Variants in PAX9 observed in about 807,000 individuals in gnomAD.
PAX9 encodes paired box 9, also known as paired box protein Pax-9.
Under a neutral mutation model 29.1 loss-of-function variants are expected in PAX9, and 6 were observed. The ratio of observed to expected loss-of-function variants is 0.21; its 90% CI spans 0.11 to 0.41. The LOEUF is 0.41. Among genes scored for constraint, PAX9 ranks in the 10% least tolerant of loss-of-function variants. The pLI, the probability that PAX9 is intolerant of heterozygous loss-of-function variation, is 1.00. For missense variants in PAX9, 443 were observed against 479.1 expected (o/e 0.92, Z 0.70); for synonymous variants, 217 against 211.7 (o/e 1.03, Z -0.22).
In PAX9 at chr14:36,662,704, G is replaced by A. The variant is rs555005831; in HGVS notation, c.5-193G>A. On this transcript the variant is annotated intron_variant, in intron 1 of 3. Coordinates refer to ENST00000361487, the MANE Select transcript of PAX9 (RefSeq NM_001372076.1). ...TCCGGCACGGCAGGAATGAGGGAGG[G>A]GGTCCGATTGGACAGTGACGGTTTG... is the stretch of plus-strand genomic sequence containing the variant. The A allele has an allele frequency of 5.9e-4, 386 of 652,922 alleles. 3 individuals are homozygous for A. Among genetic ancestry groups the A allele is most frequent in the Admixed American group, 3.3e-4 (11 of 33,366 alleles). The allele number at this position is 652,922 out of a possible 1,614,324, so 40.4% of individuals were successfully genotyped here.
At position 36,678,884 on chromosome 14, in the gene PAX9, T is replaced by A. The variant is rs1882044287; in HGVS notation, c.*2432T>A. On this transcript the variant is annotated 3_prime_UTR_variant, in exon 4 of 4. Coordinates refer to ENST00000361487, the MANE Select transcript of PAX9 (RefSeq NM_001372076.1). The stretch of plus-strand genomic sequence containing the variant: ...GATACAATTTGCTATTCAAAGAAAA[T>A]TATGATTTAAAGCCACTTTTTAAAA... 1 of 974,818 alleles carries A rather than the reference T, an allele frequency of 1.0e-6. No homozygotes were observed. Among genetic ancestry groups the A allele is most frequent in the Non-Finnish European group, 1.2e-6 (1 of 819,222 alleles). 60.4% of individuals were successfully genotyped at this position (974,818 alleles called of 1,614,324 possible).
In PAX9 at chr14:36,675,792, G is replaced by A. The variant is rs536489686; in HGVS notation, c.772-406G>A. Reference sequence around the variant, plus strand: ...TATACCAACCAGGCCTGTCACAAGTGCCTCAACAAAAGAGCCAAACAAAAC... The same window carrying A: ...TATACCAACCAGGCCTGTCACAAGTACCTCAACAAAAGAGCCAAACAAAAC... On this transcript the variant is annotated intron_variant, in intron 3 of 3. Transcript: ENST00000361487. 5.3e-5 allele frequency among the ~76,000 whole-genome samples: 8 copies of A among 152,256 alleles called. 1 individual carries two copies. In the East Asian group the frequency reaches 1.4e-3, roughly 26 times the overall value.
intron 2 of PAX9, among the ~76,000 whole-genome samples, chr14:36,664,006 TGAA>T (rs1432078726): frequency 1.3e-5 from 2 of 152,234 alleles, no homozygotes; most frequent in East Asian, 3.9e-4. Context: ...CCTTGGAAAT[TGAA>T]GTATTCTCCG....
rs1881348046 is a variant in PAX9 at position 36,663,162 on chromosome 14, C to T, written c.270C>T (p.Tyr90=). 2 of 1,613,956 alleles carry T rather than the reference C, an allele frequency of 1.2e-6. No homozygotes were observed. Among genetic ancestry groups the T allele is most frequent in the African/African-American group, 2.7e-5 (2 of 74,916 alleles). The change falls in exon 2 of 4, where the codon TAC becomes TAT. Residue 90 remains tyrosine (Y), a synonymous_variant. Transcript: ENST00000361487. The part of the protein sequence containing the change: ...TPTVVKHIRT[Y]KQRDPGIFAW... ...CCGTGGTGAAACACATCCGGACCTACAAGCAGAGAGACCCCGGCATCTTCG... is the reference window on the plus strand; with the variant it reads ...CCGTGGTGAAACACATCCGGACCTATAAGCAGAGAGACCCCGGCATCTTCG...
At position 36,661,914 on chromosome 14, in the gene PAX9, C is replaced by T. The variant is rs1051170307; in HGVS notation, c.-176C>T. On this transcript the variant is annotated 5_prime_UTR_variant, in exon 1 of 4. Coordinates refer to ENST00000361487, the MANE Select transcript of PAX9 (RefSeq NM_001372076.1). ...AATGCAGAACTCAAGCCTCTTTCAT[C>T]GGGGCACAGACTTCCTTTTACTTCT... 1.3e-6 allele frequency: 1 copy of T among 750,874 alleles called. No individual in the cohort carries two copies. Among genetic ancestry groups the T allele is most frequent in the Non-Finnish European group, 2.3e-6 (1 of 433,922 alleles). The allele number at this position is 750,874 out of a possible 1,614,324, so 46.5% of individuals were successfully genotyped here.
At chr14:36,658,600 G>A (rs1444986278), upstream of PAX9, 2 of 152,292 alleles carry the variant, frequency 1.3e-5, no homozygotes, top group Non-Finnish European at 2.9e-5. Context: ...GATACAGGGA[G>A]GGGTCCTCGC....
chr14:36,676,715 A>G lies in PAX9; in HGVS notation c.*263A>G, dbSNP rs563894653. ...TGAATGAGACATTTGTGTTGCCCACATACTGTCTTAACATAACAAAGAAAC... is the reference window on the plus strand; with the variant it reads ...TGAATGAGACATTTGTGTTGCCCACGTACTGTCTTAACATAACAAAGAAAC... On this transcript the variant is annotated 3_prime_UTR_variant, in exon 4 of 4. Transcript: ENST00000361487. 4.6e-4 allele frequency: 235 copies of G among 512,980 alleles called. 2 individuals are homozygous for G. The East Asian group carries it at 8.0e-3, about 18-fold the overall frequency. 31.8% of individuals were successfully genotyped at this position (512,980 alleles called of 1,614,324 possible).
intron 3 of PAX9, among the ~76,000 whole-genome samples, chr14:36,674,157 G>A (rs369854572): frequency 6.6e-6 from 1 of 152,320 alleles, no homozygotes; most frequent in East Asian, 1.9e-4. Context: ...GAGCCTTAAA[G>A]TGTGTCTCCT....
Position 36,679,338 on chromosome 14 carries a change from C to CTAAA in PAX9, c.*2888_*2891dup. The CTAAA allele has an allele frequency of 1.0e-6, 1 of 969,876 alleles. No homozygotes were observed. The highest frequency in any genetic ancestry group is 1.2e-6 in the Non-Finnish European group (1 of 815,940). The allele number at this position is 969,876 out of a possible 1,614,324, so 60.1% of individuals were successfully genotyped here. On this transcript the variant is annotated 3_prime_UTR_variant, in exon 4 of 4. Coordinates refer to ENST00000361487, the MANE Select transcript of PAX9 (RefSeq NM_001372076.1). Reference sequence around the variant, plus strand: ...CTTTTATTTTTATACTTCAAATGCTCTAAATTAATAAAAAGTAATAATTAC... The same window carrying CTAAA: ...CTTTTATTTTTATACTTCAAATGCTCTAAATAAATTAATAAAAAGTAATAATTAC...
rs1387170151 is a variant in PAX9, at chr14:36,676,419, A to G, written c.993A>G (p.Glu331=). The G allele has an allele frequency of 3.1e-6, 5 of 1,613,940 alleles. No homozygotes were observed. In the East Asian group the frequency reaches 1.1e-4, roughly 36 times the overall value. The change falls in exon 4 of 4, where the codon GAA becomes GAG. Residue 331 remains glutamate (E), a synonymous_variant. Transcript: ENST00000361487. ...TCAAGGGAATGCAGGCAGCCAGAGA[A>G]GGTAGTCATTCTGTCACGGCTTCCG... ...LAFKGMQAAR[E]GSHSVTASAL
Position 36,663,143 on chromosome 14 carries a change from T to C in PAX9, c.251T>C (p.Val84Ala). The C allele has an allele frequency of 6.2e-7, 1 of 1,613,898 alleles. No homozygotes were observed. ...SKPRVTTPTV[V>A]KHIRTYKQRD... Reference sequence around the variant, plus strand: ...CCCCGGGTCACTACCCCCACCGTGGTGAAACACATCCGGACCTACAAGCAG... The same window carrying C: ...CCCCGGGTCACTACCCCCACCGTGGCGAAACACATCCGGACCTACAAGCAG... Residue 84 changes from valine to alanine, a missense_variant, in exon 2 of 4, where the codon GTG becomes GCG. Physicochemically the swap from Val to Ala is moderately conservative, Grantham distance 64. This residue lies in a region of PAX9 where 107 missense variants were observed against 161.9 expected (regional missense o/e 0.66). Coordinates refer to ENST00000361487, the MANE Select transcript of PAX9 (RefSeq NM_001372076.1).
In PAX9 at chr14:36,678,381, T is replaced by C. The variant is rs756591590; in HGVS notation, c.*1929T>C. 24 of 1,021,254 alleles carry C rather than the reference T, an allele frequency of 2.4e-5. No individual in the cohort carries two copies. Among genetic ancestry groups the C allele is most frequent in the Non-Finnish European group, 3.1e-5 (21 of 680,372 alleles). 63.3% of individuals were successfully genotyped at this position (1,021,254 alleles called of 1,614,324 possible). ...GAAATTCAGTGCTACAAATAGAGGA[T>C]TATAACTTCAGGAGAAGAATAAGCA... On this transcript the variant is annotated 3_prime_UTR_variant, in exon 4 of 4. Coordinates refer to ENST00000361487, the MANE Select transcript of PAX9 (RefSeq NM_001372076.1).
intron 3 of PAX9, among the ~76,000 whole-genome samples, chr14:36,673,786 G>T (rs1881783554): frequency 6.6e-6 from 1 of 152,132 alleles, no homozygotes; most frequent in Non-Finnish European, 1.5e-5. Context: ...CTAGAACATT[G>T]TTTCTGCCAT....
chr14:36,674,137 C>T lies in PAX9; in HGVS notation c.772-2061C>T, dbSNP rs551533087. The stretch of plus-strand genomic sequence containing the variant: ...TTTGATAGTTCTCTATCTTGATACC[C>T]ATCTCCTGAGAGCCTTAAAGTGTGT... On this transcript the variant is annotated intron_variant, in intron 3 of 3. Coordinates refer to ENST00000361487, the MANE Select transcript of PAX9 (RefSeq NM_001372076.1). Among the ~76,000 whole-genome samples the T allele has an allele frequency of 1.2e-3, 184 of 152,270 alleles. 1 individual carries two copies. Among genetic ancestry groups the T allele is most frequent in the African/African-American group, 4.2e-3 (176 of 41,562 alleles).
At chr14:36,666,654 C>T (rs1881505971) in intron 3 of PAX9, 53 bp downstream of exon 3, 4 of 1,547,082 alleles carry the variant, frequency 2.6e-6, no homozygotes, top group South Asian at 1.2e-5. Context: ...GGGATTTAGG[C>T]GATGGAACAC....
At position 36,679,021 on chromosome 14, in the gene PAX9, G is replaced by T; in HGVS notation, c.*2569G>T. The stretch of plus-strand genomic sequence containing the variant: ...ATGGTAAAAGTGTTGCTTTTAAACT[G>T]GCAAATGCACTCTTCAGAAATCCTT... On this transcript the variant is annotated 3_prime_UTR_variant, in exon 4 of 4. Coordinates refer to ENST00000361487, the MANE Select transcript of PAX9 (RefSeq NM_001372076.1). 3 of 957,492 alleles carry T rather than the reference G, an allele frequency of 3.1e-6. No homozygotes were observed. The highest frequency in any genetic ancestry group is 3.7e-6 in the Non-Finnish European group (3 of 807,356). 59.3% of individuals were successfully genotyped at this position (957,492 alleles called of 1,614,324 possible).
intron 2 of PAX9, chr14:36,666,075 C>T: frequency 9.6e-6 from 2 of 208,702 alleles, no homozygotes; most frequent in Non-Finnish European, 1.9e-5. Flanking sequence ...CCCCAGTCGG[C>T]CTTGGGTTAA....
chr14:36,666,525 A>T lies in PAX9; in HGVS notation c.695A>T (p.Asn232Ile). 1 of 1,600,624 alleles carries T rather than the reference A, an allele frequency of 6.2e-7. No homozygotes were observed. The highest frequency in any genetic ancestry group is 1.1e-5 in the South Asian group (1 of 88,616). The change falls in exon 3 of 4, where the codon AAC becomes ATC. Residue 232 changes from asparagine (N) to isoleucine (I), a missense_variant. Physicochemically the swap from Asn to Ile is moderately radical, Grantham distance 149 (BLOSUM62 -3). Transcript: ENST00000361487. ...VEEWSSLGRN[N>I]FPAAAPHAVN... ...GAGTGGAGCAGCCTGGGCCGCAACA[A>T]CTTCCCCGCCGCCGCCCCGCACGCG...
chr14:36,663,159 C>T lies in PAX9; in HGVS notation c.267C>T (p.Thr89=). The change falls in exon 2 of 4, where the codon ACC becomes ACT. Residue 89 remains threonine (T), a synonymous_variant. Transcript: ENST00000361487. ...CCACCGTGGTGAAACACATCCGGAC[C>T]TACAAGCAGAGAGACCCCGGCATCT... ...TTPTVVKHIR[T]YKQRDPGIFA... 2 of 1,614,082 alleles carry T rather than the reference C, an allele frequency of 1.2e-6. No homozygotes were observed. The highest frequency in any genetic ancestry group is 8.5e-7 in the Non-Finnish European group (1 of 1,180,040).
Sources: allele counts gnomAD v4.1 joint callset (sites outside exome capture counted in the v4.1 genomes callset), GRCh38; gene constraint gnomAD v4.1.1; regional missense constraint gnomAD v4.1.1; transcripts MANE v1.5; gene names NCBI Gene and HGNC (gene_info 2026-07-23, HGNC 2026-07-21).